NCOR2: variants seen among roughly 807,000 people sequenced by gnomAD.
NCOR2 encodes the protein nuclear receptor corepressor 2.
In NCOR2, 81 loss-of-function variants were observed where a neutral mutation model predicts 262.9. That is an observed-to-expected ratio of 0.31 (90% CI 0.26 to 0.37). The LOEUF (loss-of-function observed/expected upper bound fraction) is 0.37, where lower values mean the gene tolerates loss of function less well. Ranked by LOEUF, NCOR2 falls within the 10% of genes least tolerant of loss-of-function variation. The probability of loss-of-function intolerance (pLI) is 1.00; values close to 1 mark genes in which losing one functional copy is unlikely to be tolerated. For synonymous variants in NCOR2, 1,659 were observed against 1,559.3 expected, an observed-to-expected ratio of 1.06 and a Z score of -1.51; for missense variants, 3,385 against 3,621.4, an observed-to-expected ratio of 0.93 and a Z score of 1.68.
At chr12:124,362,370 C>T (rs548474897) in intron 21 of NCOR2, 73 bp from the exon 24 acceptor site, 55 of 1,291,456 alleles carry the variant, frequency 4.3e-5, no homozygotes, top group Middle Eastern at 4.1e-4. Context: ...GAGACATGCA[C>T]GCGACCAGCC....
At chr12:124,375,947 AGGC>A (rs1199747774) in intron 18 of NCOR2, among the ~76,000 whole-genome samples, 1 of 152,120 alleles carries the variant, frequency 6.6e-6, no homozygotes, top group Non-Finnish European at 1.5e-5. Context: ...GGGCAACCTC[AGGC>A]TCCAACCCAG....
intron 40 of NCOR2, chr12:124,334,909 G>A: frequency 1.5e-6 from 1 of 660,392 alleles, no homozygotes; most frequent in Non-Finnish European, 2.6e-6. Flanking sequence ...GATGCCATCG[G>A]CTCGCATCAC....
intron 1 of NCOR2, among the ~76,000 whole-genome samples, chr12:124,521,199 C>A (rs1296926797): frequency 1.3e-5 from 2 of 152,356 alleles, no homozygotes; most frequent in East Asian, 1.9e-4. Flanking sequence ...AAGAGACCCC[C>A]ACTCACTTCC....
At chr12:124,467,590 C>T (rs2046522592) in intron 4 of NCOR2, among the ~76,000 whole-genome samples, 1 of 85,228 alleles carries the variant, frequency 1.2e-5, no homozygotes, top group Non-Finnish European at 2.4e-5. Context: ...CATCCTCATC[C>T]CTCCCCTCAT....
At chr12:124,376,008 C>T (rs1008481121) in intron 18 of NCOR2, among the ~76,000 whole-genome samples, 1 of 152,204 alleles carries the variant, frequency 6.6e-6, no homozygotes, top group African/African-American at 2.4e-5. Flanking sequence ...GGTCACGCAG[C>T]GTGCGCTGGC....
chr12:124,433,896 ACACG>A (rs1565940551), intron 8 of NCOR2, among the ~76,000 whole-genome samples: 3 of 123,950 alleles, frequency 2.4e-5, no homozygotes, highest in Non-Finnish European at 4.8e-5. Context: ...ACACACACAC[ACACG>A]CACACACACA....
chr12:124,553,410 G>T (rs761415328), intron 1 of NCOR2, among the ~76,000 whole-genome samples: 29 of 152,136 alleles, frequency 1.9e-4, no homozygotes, highest in African/African-American at 6.0e-4. Context: ...CTTAACACAG[G>T]CTTCAAAAAC....
chr12:124,426,127 C>A (rs1387517449), intron 11 of NCOR2, among the ~76,000 whole-genome samples: 1 of 152,246 alleles, frequency 6.6e-6, no homozygotes, highest in African/African-American at 2.4e-5. Flanking sequence ...GCTGCCCTTA[C>A]ACTTTGTACC....
intron 20 of NCOR2, among the ~76,000 whole-genome samples, chr12:124,365,634 C>T (rs1185523068): frequency 1.3e-5 from 2 of 152,142 alleles, no homozygotes; most frequent in African/African-American, 2.4e-5. Context: ...CTTAGGCTGC[C>T]CATGGCGCAC....
chr12:124,342,074 G>A, exon 34 of NCOR2: 1 of 1,606,234 alleles, frequency 6.2e-7, no homozygotes, highest in Non-Finnish European at 8.5e-7. Flanking sequence ...GTAGGCAGCG[G>A]CTGCGGGGCA....
intron 1 of NCOR2, among the ~76,000 whole-genome samples, chr12:124,524,110 A>C (rs1193174472): frequency 6.6e-6 from 1 of 152,220 alleles, no homozygotes. Context: ...AAATACTTTA[A>C]AAGTCACTGC....
intron 1 of NCOR2, among the ~76,000 whole-genome samples, chr12:124,542,348 A>C (rs1310222130): frequency 6.6e-6 from 1 of 152,122 alleles, no homozygotes. Flanking sequence ...ACCGGCCACA[A>C]CAGCCACACC....
In NCOR2 at chr12:124,517,778, G is replaced by A. The variant is rs938397626; in HGVS notation, c.-118+17787C>T. On this transcript the variant is annotated intron_variant, in intron 1 of 46. Coordinates refer to the NCOR2 transcript ENST00000404621. The surrounding 1 kb of genome is among the most constrained non-coding windows in gnomAD (Gnocchi z 7.6). The stretch of plus-strand genomic sequence containing the variant: ...CGGGCCGGCCAAGAAGCCTCACCCC[G>A]GCCTGCCCGGCCAGCGCCTCCGAGC... Among the ~76,000 whole-genome samples the A allele has an allele frequency of 5.3e-5, 8 of 152,108 alleles. No homozygotes were observed. Among genetic ancestry groups the A allele is most frequent in the South Asian group, 2.1e-4 (1 of 4,818 alleles).
rs371734007 is a variant in NCOR2 at position 124,394,128 on chromosome 12, C to T, written c.1876+3991G>A. 9.1e-4 allele frequency among the ~76,000 whole-genome samples: 138 copies of T among 152,372 alleles called. 3 individuals carry two copies. In the South Asian group the frequency reaches 0.026, roughly 29 times the overall value. On this transcript the variant is annotated intron_variant, in intron 16 of 46. Coordinates refer to ENST00000405201, the Ensembl canonical transcript of NCOR2. ...CAGGAGGCACAGCTGGGACCCAAAC[C>T]TAGGGAGCAGGGTCTGGAGACTGCG...
At position 124,416,092 on chromosome 12, in the gene NCOR2, G is replaced by A. The variant is rs957968608; in HGVS notation, c.1482+3865C>T. 3.9e-5 allele frequency among the ~76,000 whole-genome samples: 6 copies of A among 152,108 alleles called. No individual in the cohort carries two copies. The East Asian group carries it at 1.2e-3, about 29-fold the overall frequency. ...CTGGCAATTCAGGGCCAATGGCCAA[G>A]CGTCCACTGGAGCTGAGACGGGGCC... On this transcript the variant is annotated intron_variant, in intron 13 of 46. Coordinates refer to ENST00000405201, the Ensembl canonical transcript of NCOR2.
At position 124,503,637 on chromosome 12, in the gene NCOR2, C is replaced by T. The variant is rs1313232146; in HGVS notation, c.-117-8269G>A. 2.9e-5 allele frequency among the ~76,000 whole-genome samples: 3 copies of T among 104,674 alleles called. No homozygotes were observed. Among genetic ancestry groups the T allele is most frequent in the African/African-American group, 1.3e-4 (3 of 22,780 alleles). The allele number at this position is 104,674 out of a possible 152,430, so 68.7% of individuals were successfully genotyped here. On this transcript the variant is annotated intron_variant, in intron 1 of 46. Transcript: ENST00000404621. The surrounding 1 kb of genome is among the most constrained non-coding windows in gnomAD (Gnocchi z 4.3). The stretch of plus-strand genomic sequence containing the variant: ...ACGGATGGATGGATGGATGGATGGG[C>T]GAATGGATGGATGGATGGATGGATG...
intron 1 of NCOR2, among the ~76,000 whole-genome samples, chr12:124,558,967 A>G (rs2051978786): frequency 1.3e-5 from 2 of 152,104 alleles, no homozygotes; most frequent in African/African-American, 4.8e-5. Context: ...CAGCCCTAAA[A>G]TGCAAATATA....
At chr12:124,527,510 T>C (rs1267709153) in intron 1 of NCOR2, among the ~76,000 whole-genome samples, 1 of 152,072 alleles carries the variant, frequency 6.6e-6, no homozygotes, top group East Asian at 1.9e-4. Flanking sequence ...CTCTGCCTCC[T>C]GGGTTCAAAC....
chr12:124,372,328 G>A (rs763483936), exon 20 of NCOR2: 21 of 1,521,710 alleles, frequency 1.4e-5, no homozygotes, highest in African/African-American at 6.9e-5. Context: ...CACTGGGGGC[G>A]CTGCTGCGGT....
Sources: gnomAD v4.1 joint callset for allele counts (sites outside exome capture counted in the v4.1 genomes callset) on GRCh38, gnomAD v4.1.1 for gene constraint, Gnocchi (gnomAD v3.1) non-coding constraint, MANE v1.5 for transcripts, NCBI Gene and HGNC (gene_info 2026-07-23, HGNC 2026-07-21) for gene names.